Variants in MAPRE2 observed in about 807,000 individuals in gnomAD.
MAPRE2 encodes microtubule-associated protein RP/EB family member 2.
A neutral mutation model predicts 43.2 loss-of-function variants in MAPRE2; 13 were observed. The observed-to-expected ratio is 0.30, with a 90% CI of 0.20 to 0.48. The LOEUF (loss-of-function observed/expected upper bound fraction) is 0.48. Ranked by LOEUF, MAPRE2 falls within the 20% of genes least tolerant of loss-of-function variation. The pLI is 0.99. For synonymous variants in MAPRE2, 135 were observed against 148.8 expected (o/e 0.91, Z 0.68); for missense variants, 161 against 400.2 (o/e 0.40, Z 5.10).
At chr18:35,001,387 G>A (rs953405328) in intron 1 of MAPRE2, among the ~76,000 whole-genome samples, 5 of 152,110 alleles carry the variant, frequency 3.3e-5, no homozygotes. Flanking sequence ...GGTGGCACAT[G>A]CCTGTAATCC....
chr18:35,001,095 C>A (rs555750234), intron 1 of MAPRE2, among the ~76,000 whole-genome samples: 1 of 152,224 alleles, frequency 6.6e-6, no homozygotes, highest in African/African-American at 2.4e-5. Context: ...CACTGCAAGA[C>A]CCCATTTGTA....
At chr18:34,998,056 G>C (rs2097027374) in intron 1 of MAPRE2, among the ~76,000 whole-genome samples, 1 of 152,014 alleles carries the variant, frequency 6.6e-6, no homozygotes, top group Non-Finnish European at 1.5e-5. Flanking sequence ...AACTTCACTG[G>C]GATATTTCCC....
rs1264848085 is a variant in MAPRE2 at position 35,082,182 on chromosome 18, T to G, written c.250+11860T>G. On this transcript the variant is annotated intron_variant, in intron 2 of 6. Transcript: ENST00000300249. ...GCGGGCGCCTGTAGTCCCAGCTACT[T>G]GGGAGGCTGAGGCAGGAGAATGGCG... 2 of 106,068 alleles carry G rather than the reference T, an allele frequency of 1.9e-5. 1 individual carries two copies. The highest frequency in any genetic ancestry group is 3.3e-5 in the Non-Finnish European group (2 of 60,686). 6.6% of individuals were successfully genotyped at this position (106,068 alleles called of 1,614,324 possible).
At chr18:35,097,622 T>C (rs748407794) in intron 3 of MAPRE2, 31 bp downstream of exon 3, 5 of 1,584,150 alleles carry the variant, frequency 3.2e-6, no homozygotes, top group Admixed American at 1.8e-5. Context: ...TAAAATGTGT[T>C]GTTTTTTCTT....
intron 3 of MAPRE2, among the ~76,000 whole-genome samples, chr18:35,098,414 T>C (rs981740048): frequency 6.6e-6 from 1 of 152,110 alleles, no homozygotes; most frequent in South Asian, 2.1e-4. Context: ...AAATAAAATA[T>C]CAGGTTATAA....
At chr18:34,982,023 TACAGCCCCCGCCACC>T (rs2097016661) in intron 1 of MAPRE2, among the ~76,000 whole-genome samples, 1 of 151,786 alleles carries the variant, frequency 6.6e-6, no homozygotes, top group Admixed American at 6.6e-5. Context: ...TAGCTGGGAC[TACAGCCCCCGCCACC>T]ACACCTGGCT....
Position 35,137,693 on chromosome 18 carries a change from G to A in MAPRE2, c.910-2602G>A, listed in dbSNP as rs376378928. 1.1e-4 allele frequency among the ~76,000 whole-genome samples: 17 copies of A among 152,310 alleles called. No homozygotes were observed. The East Asian group carries it at 3.1e-3, about 28-fold the overall frequency. ...GCTGAATAAAACAATATAACTCACC[G>A]TGGAGGGCTCAGAGCCCGGCTGGAG... On this transcript the variant is annotated intron_variant, in intron 6 of 6. Coordinates refer to ENST00000300249, the MANE Select transcript of MAPRE2 (RefSeq NM_014268.4).
chr18:35,061,462 T>C (rs954449537), intron 1 of MAPRE2, among the ~76,000 whole-genome samples: 5 of 152,220 alleles, frequency 3.3e-5, no homozygotes, highest in African/African-American at 1.2e-4. Context: ...CTCACACCCC[T>C]GCCACATGGA....
intron 1 of MAPRE2, among the ~76,000 whole-genome samples, chr18:34,996,444 G>T (rs1208879521): frequency 6.6e-6 from 1 of 152,166 alleles, no homozygotes; most frequent in Non-Finnish European, 1.5e-5. Flanking sequence ...AGGAGGCAGA[G>T]CTTAAGTGGT....
At chr18:35,027,918 C>T (rs969573914) in intron 2 of MAPRE2, among the ~76,000 whole-genome samples, 1 of 152,134 alleles carries the variant, frequency 6.6e-6, no homozygotes, top group Non-Finnish European at 1.5e-5. Flanking sequence ...CTCTCTTCCC[C>T]TCCCTCTCCA....
intron 3 of MAPRE2, among the ~76,000 whole-genome samples, chr18:35,100,040 A>T (rs1348552083): frequency 1.3e-5 from 2 of 152,202 alleles, no homozygotes; most frequent in African/African-American, 4.8e-5. Context: ...TATAGCTTCC[A>T]TTCATATTGT....
Position 35,066,022 on chromosome 18 carries a change from T to A in MAPRE2, c.123-4173T>A, listed in dbSNP as rs555507817. ...ACCTAAGAATAAACTGTTGTTTCCATGTAAAAGACATGCTGAAGATCCAAA... is the reference window on the plus strand; with the variant it reads ...ACCTAAGAATAAACTGTTGTTTCCAAGTAAAAGACATGCTGAAGATCCAAA... On this transcript the variant is annotated intron_variant, in intron 1 of 6. Coordinates refer to ENST00000300249, the MANE Select transcript of MAPRE2 (RefSeq NM_014268.4). Among the ~76,000 whole-genome samples the A allele has an allele frequency of 3.9e-5, 6 of 152,334 alleles. No homozygotes were observed. In the South Asian group the frequency reaches 1.2e-3, roughly 32 times the overall value.
rs1910743296 is a variant in MAPRE2 at position 35,143,138 on chromosome 18, C to T, written c.*2769C>T. The stretch of plus-strand genomic sequence containing the variant: ...GAGAGAAGTAAATTCCAGAAGGGAA[C>T]CAAGAACTCTTCCCTTCCCTGGTGA... On this transcript the variant is annotated 3_prime_UTR_variant, in exon 7 of 7. Transcript: ENST00000300249. The T allele has an allele frequency of 6.6e-6, 1 of 150,462 alleles. No homozygotes were observed. Among genetic ancestry groups the T allele is most frequent in the Non-Finnish European group, 1.5e-5 (1 of 67,730 alleles). The allele number at this position is 150,462 out of a possible 1,614,324, so 9.3% of individuals were successfully genotyped here. A position where few individuals can be genotyped will look rare whatever the true frequency, so the allele number is the denominator to read the frequency against.
rs1446764369 is a variant in MAPRE2 at position 34,981,909 on chromosome 18, G to T, written c.-70+4830G>T. 2.9e-5 allele frequency among the ~76,000 whole-genome samples: 4 copies of T among 139,284 alleles called. No individual in the cohort carries two copies. The Admixed American group carries it at 3.0e-4, about 10-fold the overall frequency. 91.4% of individuals were successfully genotyped at this position (139,284 alleles called of 152,430 possible). A position where few individuals can be genotyped will look rare whatever the true frequency, so the allele number is the denominator to read the frequency against. Reference sequence around the variant, plus strand: ...TTTATTTTTTTTTTTTTTTGAGACGGAGTCTCACTCTGTCTCCCAGGCTGG... The same window carrying T: ...TTTATTTTTTTTTTTTTTTGAGACGTAGTCTCACTCTGTCTCCCAGGCTGG... On this transcript the variant is annotated intron_variant, in intron 1 of 7. Transcript: ENST00000413393.
intron 2 of MAPRE2, among the ~76,000 whole-genome samples, chr18:35,090,134 G>A (rs1908074085): frequency 6.6e-6 from 1 of 152,146 alleles, no homozygotes; most frequent in Non-Finnish European, 1.5e-5. Flanking sequence ...CCTGGAGGGA[G>A]GAGAGATCAT....
intron 6 of MAPRE2, 52 bp downstream of exon 6, chr18:35,132,242 A>G: frequency 1.3e-6 from 2 of 1,566,478 alleles, no homozygotes; most frequent in East Asian, 4.5e-5. Context: ...TCTCTTGGTC[A>G]AAACACAGTA....
At chr18:35,063,859 G>A (rs1191451615) in intron 1 of MAPRE2, among the ~76,000 whole-genome samples, 2 of 151,880 alleles carry the variant, frequency 1.3e-5, no homozygotes, top group Non-Finnish European at 2.9e-5. Context: ...TAAGCTGGGA[G>A]TGGTGGCACA....
At chr18:35,119,610 A>G (rs548084312) in intron 4 of MAPRE2, among the ~76,000 whole-genome samples, 4 of 152,330 alleles carry the variant, frequency 2.6e-5, no homozygotes, top group African/African-American at 9.6e-5. Flanking sequence ...GAAGAAGCAC[A>G]GACGGAGATA....
intron 2 of MAPRE2, among the ~76,000 whole-genome samples, chr18:35,018,389 C>A (rs1041429042): frequency 1.3e-5 from 2 of 151,540 alleles, no homozygotes; most frequent in African/African-American, 4.8e-5. Flanking sequence ...GATACCAGTT[C>A]TTCTTTGTAT....
Sources: allele counts gnomAD v4.1 joint callset (sites outside exome capture counted in the v4.1 genomes callset), GRCh38; gene constraint gnomAD v4.1.1; transcripts MANE v1.5; gene names NCBI Gene and HGNC (gene_info 2026-07-23, HGNC 2026-07-21).